Variants in ADAMTS19 observed in about 807,000 individuals in gnomAD.
ADAMTS19 encodes the protein ADAM metallopeptidase with thrombospondin type 1 motif 19.
Under a neutral mutation model 153.3 loss-of-function variants are expected in ADAMTS19, and 93 were observed. The ratio of observed to expected loss-of-function variants is 0.61; its 90% CI spans 0.51 to 0.72. The LOEUF (loss-of-function observed/expected upper bound fraction) is 0.72, where lower values mean the gene tolerates loss of function less well. Among genes scored for constraint, ADAMTS19 ranks in the 30% least tolerant of loss-of-function variants. The probability of loss-of-function intolerance (pLI) is 0.00; values close to 1 mark genes in which losing one functional copy is unlikely to be tolerated. For synonymous variants in ADAMTS19, 600 were observed against 556.6 expected (o/e 1.08, Z -1.10); for missense variants, 1,482 against 1,552.1 (o/e 0.95, Z 0.76).
chr5:129,461,893 G>C lies in ADAMTS19; in HGVS notation c.747+136G>C, dbSNP rs1749684585. ...GCTTGGCCCTAGACTGCACCCCCAG[G>C]TGTCTACATCGTTTGCCTCCCATGG... is the stretch of plus-strand genomic sequence containing the variant. On this transcript the variant is annotated intron_variant, in intron 2 of 22. Transcript: ENST00000274487. The surrounding 1 kb of genome is among the most constrained non-coding windows in gnomAD (Gnocchi z 4.6). 1 of 1,272,896 alleles carries C rather than the reference G, an allele frequency of 7.9e-7. No homozygotes were observed. The highest frequency in any genetic ancestry group is 1.0e-6 in the Non-Finnish European group (1 of 987,070). The allele number at this position is 1,272,896 out of a possible 1,614,324, so 78.9% of individuals were successfully genotyped here.
chr5:129,611,992 A>G (rs144868018), intron 8 of ADAMTS19, among the ~76,000 whole-genome samples: 284 of 151,996 alleles, frequency 1.9e-3, no homozygotes, highest in African/African-American at 6.5e-3. Flanking sequence ...TTATTATTAT[A>G]TTTTAAGTTT....
In ADAMTS19 at chr5:129,713,044, C is replaced by A. The variant is rs1307499318; in HGVS notation, c.3312+8653C>A. On this transcript the variant is annotated intron_variant, in intron 21 of 22. Coordinates refer to ENST00000274487, the MANE Select transcript of ADAMTS19 (RefSeq NM_133638.6). Reference sequence around the variant, plus strand: ...AATACTTTTGATCACTATTCTTATGCAGCGTAATAGGGAATCTATAATTTC... The same window carrying A: ...AATACTTTTGATCACTATTCTTATGAAGCGTAATAGGGAATCTATAATTTC... Among the ~76,000 whole-genome samples the A allele has an allele frequency of 7.2e-5, 11 of 152,186 alleles. No homozygotes were observed. The East Asian group carries it at 1.7e-3, about 24-fold the overall frequency.
intron 21 of ADAMTS19, among the ~76,000 whole-genome samples, chr5:129,725,673 A>G (rs975231874): frequency 2.0e-5 from 3 of 151,990 alleles, no homozygotes; most frequent in Admixed American, 2.0e-4. Flanking sequence ...CCATCACCTG[A>G]TGGTCGCCTG....
intron 11 of ADAMTS19, 129 bp from the exon 12 acceptor site, chr5:129,647,636 T>A: frequency 9.0e-7 from 1 of 1,114,608 alleles, no homozygotes. Flanking sequence ...ATTTTTGGTC[T>A]TTCCTAATTC....
chr5:129,537,067 T>A (rs536755539), intron 6 of ADAMTS19, among the ~76,000 whole-genome samples: 2 of 150,686 alleles, frequency 1.3e-5, no homozygotes, highest in Admixed American at 6.6e-5. Flanking sequence ...AATAATAATT[T>A]AAAAAAAAGA....
Position 129,461,634 on chromosome 5 carries a change from C to T in ADAMTS19, c.624C>T (p.Gly208=). Residue 208 remains glycine (G), a synonymous_variant, in exon 2 of 23, where the codon GGC becomes GGT. Coordinates refer to ENST00000274487, the MANE Select transcript of ADAMTS19 (RefSeq NM_133638.6). The surrounding 1 kb of genome is among the most constrained non-coding windows in gnomAD (Gnocchi z 4.6). The stretch of plus-strand genomic sequence containing the variant: ...AACAGCGGCCAAATCCCGGCCCCGG[C>T]CCCACGGGGGCAGCATCCGCCCCGC... ...AVEQRPNPGP[G]PTGAASAPQP... is the part of the protein sequence containing the mutation. 6.3e-7 allele frequency: 1 copy of T among 1,594,404 alleles called. No individual in the cohort carries two copies. The highest frequency in any genetic ancestry group is 8.5e-7 in the Non-Finnish European group (1 of 1,176,584).
At chr5:129,600,877 T>G (rs1454041317) in intron 8 of ADAMTS19, among the ~76,000 whole-genome samples, 1 of 151,886 alleles carries the variant, frequency 6.6e-6, no homozygotes, top group African/African-American at 2.4e-5. Context: ...ATTATTATTA[T>G]TATTATTATT....
intron 7 of ADAMTS19, among the ~76,000 whole-genome samples, chr5:129,567,365 ACC>A (rs1267763118): frequency 1.3e-5 from 2 of 152,162 alleles, no homozygotes; most frequent in Non-Finnish European, 2.9e-5. Context: ...GGGAAAAGAC[ACC>A]CAACAGATGC....
chr5:129,658,617 A>C lies in ADAMTS19; in HGVS notation c.2305A>C (p.Lys769Gln). 6.2e-7 allele frequency: 1 copy of C among 1,610,206 alleles called. No homozygotes were observed. The change falls in exon 15 of 23, where the codon AAA becomes CAA. Residue 769 changes from lysine to glutamine, a missense_variant and splice_region_variant. Physicochemically the swap from Lys to Gln is moderately conservative, Grantham distance 53 (BLOSUM62 1). Coordinates refer to ENST00000274487, the MANE Select transcript of ADAMTS19 (RefSeq NM_133638.6). ...ATGTGCTGTCACTCTCTTGTTACAG[A>C]AAGTTGGCTGTGATGGTTTATTAGG... The part of the protein sequence containing the change: ...LDICANGRCQ[K>Q]VGCDGLLGSL...
chr5:129,701,328 C>G, intron 19 of ADAMTS19, 60 bp from the exon 20 acceptor site: 1 of 1,574,736 alleles, frequency 6.4e-7, no homozygotes, highest in Non-Finnish European at 8.7e-7. Flanking sequence ...TGAGAACAGA[C>G]TAATACAAGT....
intron 21 of ADAMTS19, among the ~76,000 whole-genome samples, chr5:129,718,136 A>AT (rs955284075): frequency 6.6e-6 from 1 of 152,096 alleles, no homozygotes; most frequent in South Asian, 2.1e-4. Flanking sequence ...TGCAAACATC[A>AT]TTTTTTTCTT....
At chr5:129,575,172 T>C (rs1754056314) in intron 7 of ADAMTS19, among the ~76,000 whole-genome samples, 1 of 152,048 alleles carries the variant, frequency 6.6e-6, no homozygotes, top group African/African-American at 2.4e-5. Context: ...AACAAAATGA[T>C]TAAAAATTGG....
intron 2 of ADAMTS19, among the ~76,000 whole-genome samples, chr5:129,482,267 C>T (rs932731424): frequency 7.2e-5 from 11 of 152,100 alleles, no homozygotes; most frequent in South Asian, 4.1e-4. Flanking sequence ...CCCTCTATCA[C>T]GCATAATTAT....
intron 17 of ADAMTS19, among the ~76,000 whole-genome samples, chr5:129,681,118 C>T (rs982665): frequency 0.036 from 5,491 of 152,288 alleles, 309 homozygotes; most frequent in African/African-American, 0.13. Flanking sequence ...CAATTGGAGA[C>T]ATGTGTGTTG....
intron 7 of ADAMTS19, among the ~76,000 whole-genome samples, chr5:129,591,032 T>C (rs1279305620): frequency 1.3e-5 from 2 of 152,150 alleles, no homozygotes; most frequent in Non-Finnish European, 2.9e-5. Context: ...ACCACCTCTG[T>C]GAGAGACATT....
intron 11 of ADAMTS19, among the ~76,000 whole-genome samples, chr5:129,646,279 CTTTAT>C (rs558108289): frequency 1.1e-3 from 164 of 152,112 alleles, no homozygotes; most frequent in African/African-American, 3.5e-3. Context: ...AGTTGTTGAT[CTTTAT>C]TTTGTTTTTC....
At chr5:129,641,537 G>A (rs1043079358) in intron 10 of ADAMTS19, among the ~76,000 whole-genome samples, 1 of 152,080 alleles carries the variant, frequency 6.6e-6, no homozygotes, top group East Asian at 1.9e-4. Context: ...ATGTGTCATA[G>A]CATATAAATG....
chr5:129,707,899 T>C (rs1428045136), intron 21 of ADAMTS19, among the ~76,000 whole-genome samples: 3 of 152,136 alleles, frequency 2.0e-5, no homozygotes, highest in African/African-American at 7.2e-5. Flanking sequence ...TATAGATGAG[T>C]CCCTGGGAGA....
chr5:129,658,944 C>A (rs186327488), intron 15 of ADAMTS19, among the ~76,000 whole-genome samples: 1 of 152,234 alleles, frequency 6.6e-6, no homozygotes, highest in East Asian at 1.9e-4. Flanking sequence ...AATATGAAGT[C>A]ATCTGTTGTA....
Sources: allele counts gnomAD v4.1 joint callset (sites outside exome capture counted in the v4.1 genomes callset), GRCh38; gene constraint gnomAD v4.1.1; non-coding constraint Gnocchi (gnomAD v3.1); transcripts MANE v1.5; gene names NCBI Gene and HGNC (gene_info 2026-07-23, HGNC 2026-07-21).